DAB1: variants seen among roughly 807,000 people sequenced by gnomAD.
DAB1 encodes the protein disabled homolog 1.
A neutral mutation model predicts 64.6 loss-of-function variants in DAB1; 15 were observed. That is an observed-to-expected ratio of 0.23 (90% CI 0.16 to 0.36). The LOEUF (loss-of-function observed/expected upper bound fraction) is 0.36, where lower values mean the gene tolerates loss of function less well. Ranked by LOEUF, DAB1 falls within the 10% of genes least tolerant of loss-of-function variation. The probability of loss-of-function intolerance (pLI) is 1.00; values close to 1 mark genes in which losing one functional copy is unlikely to be tolerated. For missense variants in DAB1, 596 were observed against 706.7 expected, an observed-to-expected ratio of 0.84 and a Z score of 1.78; for synonymous variants, 235 against 251.9, an observed-to-expected ratio of 0.93 and a Z score of 0.64.
chr1:57,326,706 C>T (rs936084959), intron 1 of DAB1, among the ~76,000 whole-genome samples: 6 of 152,134 alleles, frequency 3.9e-5, no homozygotes, highest in East Asian at 1.9e-4. Flanking sequence ...CACTTTCTTC[C>T]GGTATCCTCA....
intron 3 of DAB1, among the ~76,000 whole-genome samples, chr1:58,488,313 CTTTGT>C (rs995946825): frequency 1.6e-4 from 25 of 152,042 alleles, no homozygotes. Flanking sequence ...GGAACCATAA[CTTTGT>C]TTTATTTATT....
At chr1:57,681,200 G>A (rs1646632592) in intron 6 of DAB1, among the ~76,000 whole-genome samples, 1 of 152,152 alleles carries the variant, frequency 6.6e-6, no homozygotes, top group Non-Finnish European at 1.5e-5. Flanking sequence ...TTGACTTGCA[G>A]CTACATAACT....
intron 4 of DAB1, among the ~76,000 whole-genome samples, chr1:58,150,920 C>T (rs1169066433): frequency 2.6e-5 from 4 of 152,078 alleles, no homozygotes; most frequent in Non-Finnish European, 4.4e-5. Context: ...TCAATTCCCA[C>T]CTATGAGTGA....
intron 7 of DAB1, among the ~76,000 whole-genome samples, chr1:57,540,631 A>G (rs1017899239): frequency 6.6e-6 from 1 of 152,204 alleles, no homozygotes; most frequent in African/African-American, 2.4e-5. Flanking sequence ...AAAGAATAAA[A>G]TCCTGTCATT....
At chr1:58,336,520 A>C (rs2100500376) in intron 4 of DAB1, among the ~76,000 whole-genome samples, 1 of 152,330 alleles carries the variant, frequency 6.6e-6, no homozygotes, top group African/African-American at 2.4e-5. Context: ...CCAGCAAGAT[A>C]GGTATTATGA....
At chr1:57,382,124 T>G (rs932214686) in intron 1 of DAB1, among the ~76,000 whole-genome samples, 10 of 152,294 alleles carry the variant, frequency 6.6e-5, no homozygotes, top group African/African-American at 1.9e-4. Flanking sequence ...GTTGAGAGAC[T>G]CACCTTATCT....
intron 6 of DAB1, among the ~76,000 whole-genome samples, chr1:57,760,680 A>G (rs1649046091): frequency 6.6e-6 from 1 of 151,620 alleles, no homozygotes; most frequent in Admixed American, 6.6e-5. Flanking sequence ...ATACTGCACC[A>G]AAAAGGGGAG....
At chr1:57,014,477 C>G (rs188080074) in intron 12 of DAB1, among the ~76,000 whole-genome samples, 11 of 152,290 alleles carry the variant, frequency 7.2e-5, no homozygotes, top group African/African-American at 2.6e-4. Context: ...GTGTCATAAG[C>G]TATCTATACG....
chr1:57,583,725 G>A (rs568633393), intron 7 of DAB1, among the ~76,000 whole-genome samples: 1 of 152,240 alleles, frequency 6.6e-6, no homozygotes, highest in South Asian at 2.1e-4. Flanking sequence ...TGTGACTCCT[G>A]TACTTTCCAA....
At chr1:57,568,564 T>A (rs1428305911) in intron 7 of DAB1, among the ~76,000 whole-genome samples, 5 of 151,862 alleles carry the variant, frequency 3.3e-5, no homozygotes, top group African/African-American at 1.2e-4. Context: ...TACAAAGAAC[T>A]CAAACAAACT....
intron 2 of DAB1, among the ~76,000 whole-genome samples, chr1:57,203,881 T>TTTTC (rs1313527574): frequency 3.3e-5 from 5 of 152,086 alleles, no homozygotes; most frequent in African/African-American, 1.2e-4. Context: ...GTGTAGTGTT[T>TTTTC]TTTGTTTGTT....
chr1:57,684,294 G>A (rs1175995706), intron 6 of DAB1, among the ~76,000 whole-genome samples: 1 of 152,008 alleles, frequency 6.6e-6, no homozygotes, highest in Admixed American at 6.6e-5. Context: ...TACTATGCAA[G>A]ATGACTATCT....
intron 2 of DAB1, among the ~76,000 whole-genome samples, chr1:57,173,517 T>G (rs1504588): frequency 6.6e-6 from 1 of 152,052 alleles, no homozygotes; most frequent in Non-Finnish European, 1.5e-5. Flanking sequence ...CCTATGTATA[T>G]GCAAATATTC....
intron 5 of DAB1, among the ~76,000 whole-genome samples, chr1:57,942,236 G>A (rs1192129083): frequency 2.6e-5 from 4 of 152,146 alleles, no homozygotes; most frequent in Non-Finnish European, 4.4e-5. Context: ...ACTGTAGTCA[G>A]TCAGTTGGTC....
At chr1:58,281,832 T>C (rs1158982081) in intron 4 of DAB1, among the ~76,000 whole-genome samples, 1 of 152,182 alleles carries the variant, frequency 6.6e-6, no homozygotes, top group Non-Finnish European at 1.5e-5. Flanking sequence ...AATAAATGAA[T>C]GCATGTATGT....
At chr1:57,104,998 A>T (rs1408177067) in intron 4 of DAB1, among the ~76,000 whole-genome samples, 1 of 152,094 alleles carries the variant, frequency 6.6e-6, no homozygotes, top group African/African-American at 2.4e-5. Context: ...TAGGTTAAGT[A>T]CCCTTGCAGT....
At chr1:57,991,683 T>C (rs1646341278) in intron 5 of DAB1, among the ~76,000 whole-genome samples, 1 of 151,500 alleles carries the variant, frequency 6.6e-6, no homozygotes, top group African/African-American at 2.4e-5. Flanking sequence ...CCATCTCCGC[T>C]AAAAATACAA....
At chr1:57,888,998 G>A (rs1644267437), upstream of DAB1, among the ~76,000 whole-genome samples, 2 of 152,182 alleles carry the variant, frequency 1.3e-5, no homozygotes, top group Non-Finnish European at 2.9e-5. Context: ...CAAGGAGTGT[G>A]CGATGGAGAG....
intron 7 of DAB1, among the ~76,000 whole-genome samples, chr1:57,568,548 A>C (rs1452148889): frequency 6.6e-6 from 1 of 152,240 alleles, no homozygotes; most frequent in Non-Finnish European, 1.5e-5. Flanking sequence ...TCTAATATCC[A>C]GAATCTACAA....
Sources: gnomAD v4.1 joint callset for allele counts (sites outside exome capture counted in the v4.1 genomes callset) on GRCh38, gnomAD v4.1.1 for gene constraint, MANE v1.5 for transcripts, NCBI Gene and HGNC (gene_info 2026-07-23, HGNC 2026-07-21) for gene names.